The following CACNA1D variants were observed in gnomAD, a reference collection of about 807,000 sequenced individuals.
CACNA1D encodes the protein voltage-dependent L-type calcium channel subunit alpha-1D.
Under a neutral mutation model 257.1 loss-of-function variants are expected in CACNA1D, and 55 were observed. The ratio of observed to expected loss-of-function variants is 0.21; its 90% CI spans 0.17 to 0.27. The LOEUF (loss-of-function observed/expected upper bound fraction) is 0.27. CACNA1D is among the 10% of genes least tolerant of loss of function. The pLI is 1.00. For synonymous variants in CACNA1D, 980 were observed against 1,014.9 expected, an observed-to-expected ratio of 0.97 and a Z score of 0.65; for missense variants, 1,876 against 2,784.0, an observed-to-expected ratio of 0.67 and a Z score of 7.34.
chr3:53,752,675 GGCGTGA>G (rs1198726462), intron 28 of CACNA1D, among the ~76,000 whole-genome samples: 1 of 152,208 alleles, frequency 6.6e-6, no homozygotes, highest in Non-Finnish European at 1.5e-5. Flanking sequence ...TGGTATTACA[GGCGTGA>G]GCCACCGCGC....
chr3:53,539,112 T>TTTG (rs939929067), intron 3 of CACNA1D, among the ~76,000 whole-genome samples: 1 of 152,110 alleles, frequency 6.6e-6, no homozygotes, highest in South Asian at 2.1e-4. Flanking sequence ...AATTTTTTTT[T>TTTG]TTGTTGTTGT....
At chr3:53,565,325 C>G (rs866259884) in intron 3 of CACNA1D, among the ~76,000 whole-genome samples, 1 of 152,180 alleles carries the variant, frequency 6.6e-6, no homozygotes. Context: ...TAATTTTTGA[C>G]TGTAACACAC....
At position 53,495,461 on chromosome 3, in the gene CACNA1D, G is replaced by A. The variant is rs1482570922; in HGVS notation, c.67+228G>A. Reference sequence around the variant, plus strand: ...GCATTTGTGGGGTGGGGGCGGCCGTGGAGTGTGTGGAGCGCGGTGCAGCCG... The same window carrying A: ...GCATTTGTGGGGTGGGGGCGGCCGTAGAGTGTGTGGAGCGCGGTGCAGCCG... On this transcript the variant is annotated intron_variant, in intron 1 of 47. Transcript: ENST00000350061. The surrounding 1 kb of genome is among the most constrained non-coding windows in gnomAD (Gnocchi z 5.1). Among the ~76,000 whole-genome samples the A allele has an allele frequency of 1.3e-5, 2 of 152,172 alleles. No homozygotes were observed. The highest frequency in any genetic ancestry group is 4.8e-5 in the African/African-American group (2 of 41,436).
intron 4 of CACNA1D, among the ~76,000 whole-genome samples, chr3:53,653,713 G>T (rs963120924): frequency 1.5e-5 from 2 of 132,706 alleles, no homozygotes; most frequent in African/African-American, 5.1e-5. Flanking sequence ...AATAACAAGT[G>T]GTCTAACATA....
At chr3:53,603,668 T>C (rs7610071) in intron 3 of CACNA1D, among the ~76,000 whole-genome samples, 57,080 of 152,024 alleles carry the variant, frequency 0.38, 11,204 homozygotes, top group African/African-American at 0.49. Flanking sequence ...CCACTTCATG[T>C]GGCAGCAATA....
chr3:53,511,382 A>G (rs986575610), intron 3 of CACNA1D, among the ~76,000 whole-genome samples: 4 of 152,168 alleles, frequency 2.6e-5, no homozygotes, highest in African/African-American at 9.7e-5. Flanking sequence ...CCTGACACAC[A>G]GGGTTTTTAT....
chr3:53,718,912 G>C (rs1019200844), intron 10 of CACNA1D, among the ~76,000 whole-genome samples: 2 of 152,146 alleles, frequency 1.3e-5, no homozygotes, highest in African/African-American at 2.4e-5. Flanking sequence ...TGCCTTCTTG[G>C]TGCCTGGCAC....
intron 2 of CACNA1D, 104 bp from the exon 3 acceptor site, chr3:53,501,511 C>A (rs952871124): frequency 2.8e-6 from 2 of 708,844 alleles, no homozygotes; most frequent in Non-Finnish European, 2.5e-6. Context: ...TTGTGTATGT[C>A]ATTTTCCTTT....
At chr3:53,609,823 A>C (rs9846874) in intron 3 of CACNA1D, among the ~76,000 whole-genome samples, 81,572 of 151,928 alleles carry the variant, frequency 0.54, 22,570 homozygotes, top group African/African-American at 0.66. Flanking sequence ...TTAATTTGGT[A>C]ATCTTTTCTG....
At chr3:53,691,878 A>G (rs2094530198) in intron 8 of CACNA1D, among the ~76,000 whole-genome samples, 4 of 110,626 alleles carry the variant, frequency 3.6e-5, no homozygotes, top group Admixed American at 1.4e-4. Flanking sequence ...TATATTACAT[A>G]TAATATATAT....
intron 3 of CACNA1D, among the ~76,000 whole-genome samples, chr3:53,560,140 G>A (rs1370683632): frequency 1.4e-5 from 2 of 146,768 alleles, no homozygotes; most frequent in South Asian, 2.2e-4. Flanking sequence ...TACCCAGCTA[G>A]CACTTTTGGA....
At chr3:53,601,348 T>C (rs6803904) in intron 3 of CACNA1D, among the ~76,000 whole-genome samples, 85,726 of 152,116 alleles carry the variant, frequency 0.56, 25,737 homozygotes, top group African/African-American at 0.78. Context: ...TCCACACTCC[T>C]CTCTGAGAAC....
At chr3:53,696,203 A>AG (rs1252049450) in intron 8 of CACNA1D, among the ~76,000 whole-genome samples, 2 of 152,158 alleles carry the variant, frequency 1.3e-5, no homozygotes, top group Non-Finnish European at 2.9e-5. Flanking sequence ...CCTGGCCTCA[A>AG]GCAATCCTCC....
At chr3:53,519,790 G>A (rs1377056149) in intron 3 of CACNA1D, among the ~76,000 whole-genome samples, 1 of 152,114 alleles carries the variant, frequency 6.6e-6, no homozygotes, top group African/African-American at 2.4e-5. Flanking sequence ...CCTATTAGCT[G>A]TCACCCCATT....
At chr3:53,542,933 T>C (rs2092330260) in intron 3 of CACNA1D, among the ~76,000 whole-genome samples, 1 of 151,772 alleles carries the variant, frequency 6.6e-6, no homozygotes, top group African/African-American at 2.4e-5. Flanking sequence ...ATGCCTGTAA[T>C]CCCAGCTACT....
intron 3 of CACNA1D, among the ~76,000 whole-genome samples, chr3:53,596,420 T>A (rs1487888335): frequency 6.6e-6 from 1 of 152,144 alleles, no homozygotes; most frequent in Non-Finnish European, 1.5e-5. Flanking sequence ...GACTGTGTCA[T>A]TTTGGAAAAT....
At chr3:53,658,338 A>G (rs1309533481) in intron 4 of CACNA1D, among the ~76,000 whole-genome samples, 4 of 152,168 alleles carry the variant, frequency 2.6e-5, no homozygotes, top group African/African-American at 4.8e-5. Flanking sequence ...GACTTTCCTA[A>G]TATCTCATAA....
chr3:53,766,948 G>A (rs552768868), intron 30 of CACNA1D, among the ~76,000 whole-genome samples: 120 of 152,294 alleles, frequency 7.9e-4, no homozygotes, highest in Non-Finnish European at 1.3e-3. Flanking sequence ...CCAGCATAGC[G>A]TAGCCCACTT....
At chr3:53,631,135 A>T (rs1271620746) in intron 3 of CACNA1D, among the ~76,000 whole-genome samples, 1 of 152,180 alleles carries the variant, frequency 6.6e-6, no homozygotes, top group Non-Finnish European at 1.5e-5. Flanking sequence ...TTGCCACATG[A>T]TAGATTCTTC....
Sources: gnomAD v4.1 joint callset for allele counts (sites outside exome capture counted in the v4.1 genomes callset) on GRCh38, gnomAD v4.1.1 for gene constraint, Gnocchi (gnomAD v3.1) non-coding constraint, MANE v1.5 for transcripts, NCBI Gene and HGNC (gene_info 2026-07-23, HGNC 2026-07-21) for gene names.